PLAAT3: variants seen among roughly 807,000 people sequenced by gnomAD.
The protein encoded by PLAAT3 is Ca-independent phospholipase A1/2.
Under a neutral mutation model 16.7 loss-of-function variants are expected in PLAAT3, and 21 were observed. The observed-to-expected ratio is 1.26, with a 90% CI of 0.89 to 1.81. The LOEUF (loss-of-function observed/expected upper bound fraction) is 1.81, where lower values mean the gene tolerates loss of function less well. Among genes scored for constraint, PLAAT3 ranks in the 40% most tolerant of loss-of-function variants. The pLI, the probability that PLAAT3 is intolerant of heterozygous loss-of-function variation, is 0.00. For missense variants in PLAAT3, 219 were observed against 213.7 expected (o/e 1.02, Z -0.16); for synonymous variants, 76 against 81.7 (o/e 0.93, Z 0.38).
At position 63,585,270 on chromosome 11, in the gene PLAAT3, G is replaced by A. The variant is rs181554182; in HGVS notation, c.387+4830C>T. On this transcript the variant is annotated intron_variant, in intron 4 of 4. Transcript: ENST00000415826. ...GATCTCTTGACCTCATGATCTGCCC[G>A]CCTCGGCCTCTCAAAGTGCTGGGAT... Among the ~76,000 whole-genome samples, 402 of 152,190 alleles carry A rather than the reference G, an allele frequency of 2.6e-3. 3 individuals are homozygous for A. Among genetic ancestry groups the A allele is most frequent in the Admixed American group, 2.0e-3 (31 of 15,280 alleles).
rs199782544 is a variant in PLAAT3, at chr11:63,575,024, G to A, written c.410C>T (p.Ala137Val). The change falls in exon 5 of 5, where the codon GCA becomes GTA. Residue 137 changes from alanine to valine, a missense_variant. Transcript: ENST00000415826. ...TGCCAAGCCCATTCCTGCAACGCTT[G>A]CAGCGATGATGACATCTCTGACCTG... is the stretch of plus-strand genomic sequence containing the variant. ...SDQVRDVIIAASVAGMGLAAM... is the reference protein window; with the variant it reads ...SDQVRDVIIAVSVAGMGLAAM... 3.4e-5 allele frequency: 55 copies of A among 1,612,598 alleles called. 1 individual carries two copies. The East Asian group carries it at 1.1e-3, about 32-fold the overall frequency.
At chr11:63,578,305 G>T (rs2134390303) in intron 4 of PLAAT3, among the ~76,000 whole-genome samples, 1 of 151,344 alleles carries the variant, frequency 6.6e-6, no homozygotes, top group Admixed American at 6.6e-5. Flanking sequence ...AAAAAGAAAA[G>T]AAATAGTGCT....
chr11:63,581,462 A>G (rs756628207), intron 4 of PLAAT3, among the ~76,000 whole-genome samples: 8 of 152,130 alleles, frequency 5.3e-5, no homozygotes, highest in Non-Finnish European at 7.3e-5. Context: ...CTCCTGCAGT[A>G]CCCTCAGGCT....
chr11:63,609,362 T>G (rs1243932364), intron 2 of PLAAT3, among the ~76,000 whole-genome samples: 9 of 152,230 alleles, frequency 5.9e-5, no homozygotes, highest in African/African-American at 1.2e-4. Context: ...GAGGCTGCAT[T>G]CCCAGAAACA....
At chr11:63,605,142 C>T (rs556285224) in intron 2 of PLAAT3, among the ~76,000 whole-genome samples, 1 of 152,260 alleles carries the variant, frequency 6.6e-6, no homozygotes, top group East Asian at 1.9e-4. Flanking sequence ...GCCTTGTAAT[C>T]CTAGCACTTT....
chr11:63,596,551 GC>G (rs1283840837), intron 3 of PLAAT3, among the ~76,000 whole-genome samples: 1 of 151,690 alleles, frequency 6.6e-6, no homozygotes. Context: ...ATCAGTAGGA[GC>G]CCTGAGCTTG....
intron 2 of PLAAT3, among the ~76,000 whole-genome samples, chr11:63,609,055 G>A (rs1400705347): frequency 6.6e-6 from 1 of 152,150 alleles, no homozygotes; most frequent in African/African-American, 2.4e-5. Flanking sequence ...CCAGGATGTT[G>A]TCATTATTTT....
intron 3 of PLAAT3, among the ~76,000 whole-genome samples, chr11:63,591,798 G>A (rs1290043248): frequency 9.8e-5 from 15 of 152,340 alleles, no homozygotes; most frequent in Middle Eastern, 3.4e-3. Flanking sequence ...TGCGTTTGTC[G>A]GGAGGATGAG....
rs767100895 is a variant in PLAAT3 at position 63,574,963 on chromosome 11, GT to G, written c.470del (p.Asn157ThrfsTer8). 25 of 1,608,932 alleles carry G rather than the reference GT, an allele frequency of 1.6e-5. No homozygotes were observed. In the African/African-American group the frequency reaches 3.2e-4, roughly 21 times the overall value. ...TTTTCAGTTATTGCTTTTGTCGCTT[GT>G]TTCTTGAGAACATGACTCCAATAAG... ...MSLIGVMFSRNKRQKQ is the reference protein window; with the variant it reads ...MSLIGVMFSRXKRQKQ On this transcript the variant is annotated frameshift_variant, in exon 5 of 5. Transcript: ENST00000415826. LOFTEE classifies it high-confidence loss of function.
intron 4 of PLAAT3, among the ~76,000 whole-genome samples, chr11:63,582,263 T>C (rs887833681): frequency 9.9e-5 from 15 of 152,160 alleles, no homozygotes; most frequent in African/African-American, 2.9e-4. Flanking sequence ...TAAGAGATCA[T>C]AGAATCAGAG....
chr11:63,590,818 C>T (rs962489641), intron 3 of PLAAT3, among the ~76,000 whole-genome samples: 1 of 152,200 alleles, frequency 6.6e-6, no homozygotes, highest in East Asian at 1.9e-4. Context: ...TGGAAACAGA[C>T]CCACCAAAAC....
At chr11:63,575,067 G>A (rs749753340) in intron 4 of PLAAT3, 21 bp from the exon 5 acceptor site, 3 of 1,498,630 alleles carry the variant, frequency 2.0e-6, no homozygotes, top group Non-Finnish European at 2.8e-6. Context: ...GAAGAGGGTG[G>A]GTCACACTCT....
At chr11:63,614,185 C>A in intron 1 of PLAAT3, 117 bp from the exon 2 acceptor site, 2 of 817,852 alleles carry the variant, frequency 2.4e-6, no homozygotes, top group Non-Finnish European at 4.0e-6. Flanking sequence ...ACCCCAGGAA[C>A]AACCACCTCG....
intron 4 of PLAAT3, among the ~76,000 whole-genome samples, chr11:63,585,123 G>A (rs1447255199): frequency 6.6e-6 from 1 of 151,782 alleles, no homozygotes; most frequent in Non-Finnish European, 1.5e-5. Flanking sequence ...CACCTCCCGG[G>A]TTCAAGCAAT....
At chr11:63,600,404 C>T (rs933246795) in intron 2 of PLAAT3, among the ~76,000 whole-genome samples, 24 of 152,050 alleles carry the variant, frequency 1.6e-4, no homozygotes, top group Admixed American at 1.5e-3. Flanking sequence ...AAGTCATACC[C>T]AAAAAGCCAC....
At chr11:63,581,826 C>T (rs772851142) in intron 4 of PLAAT3, among the ~76,000 whole-genome samples, 7 of 152,154 alleles carry the variant, frequency 4.6e-5, no homozygotes, top group Non-Finnish European at 8.8e-5. Context: ...TATTTCTCAG[C>T]CTGGCCAACA....
intron 4 of PLAAT3, among the ~76,000 whole-genome samples, chr11:63,586,372 G>A (rs1937978525): frequency 6.6e-6 from 1 of 152,172 alleles, no homozygotes; most frequent in Non-Finnish European, 1.5e-5. Flanking sequence ...CACCTTAGGT[G>A]ATCCACCCAC....
At chr11:63,575,341 G>A (rs1261722538) in intron 4 of PLAAT3, among the ~76,000 whole-genome samples, 5 of 152,246 alleles carry the variant, frequency 3.3e-5, no homozygotes, top group Non-Finnish European at 7.3e-5. Flanking sequence ...GGAAAGGACA[G>A]GGAGCTGATG....
chr11:63,601,515 A>G (rs986000630), intron 2 of PLAAT3, among the ~76,000 whole-genome samples: 4 of 152,014 alleles, frequency 2.6e-5, no homozygotes, highest in African/African-American at 9.7e-5. Context: ...ACTCAAGACA[A>G]CTTCTTTTTG....
Sources: gnomAD v4.1 joint callset for allele counts (sites outside exome capture counted in the v4.1 genomes callset) on GRCh38, gnomAD v4.1.1 for gene constraint, MANE v1.5 for transcripts, NCBI Gene and HGNC (gene_info 2026-07-23, HGNC 2026-07-21) for gene names.